The following LHFPL2 variants were observed in gnomAD, a reference collection of about 807,000 sequenced individuals.
LHFPL2 encodes the protein LHFPL tetraspan subfamily member 2.
Under a neutral mutation model 17.5 loss-of-function variants are expected in LHFPL2, and 7 were observed. That is an observed-to-expected ratio of 0.40 (90% CI 0.23 to 0.75). LHFPL2 has a LOEUF of 0.75. Ranked by LOEUF, LHFPL2 falls within the 30% of genes least tolerant of loss-of-function variation. The probability of loss-of-function intolerance (pLI) is 0.37; values close to 1 mark genes in which losing one functional copy is unlikely to be tolerated. For missense variants in LHFPL2, 241 were observed against 294.8 expected (o/e 0.82, Z 1.34); for synonymous variants, 134 against 116.2 (o/e 1.15, Z -0.99).
chr5:78,635,069 T>C (rs1305172760), intron 1 of LHFPL2, among the ~76,000 whole-genome samples: 1 of 152,162 alleles, frequency 6.6e-6, no homozygotes, highest in Non-Finnish European at 1.5e-5. Flanking sequence ...TCGGGAGTGC[T>C]TCTGTGTAAG....
At chr5:78,498,805 A>C (rs1360043411) in intron 4 of LHFPL2, among the ~76,000 whole-genome samples, 1 of 152,240 alleles carries the variant, frequency 6.6e-6, no homozygotes, top group Admixed American at 6.5e-5. Context: ...AAAATAATAA[A>C]AAGTGGATAA....
intron 2 of LHFPL2, among the ~76,000 whole-genome samples, chr5:78,627,965 T>C (rs1250250534): frequency 6.6e-6 from 1 of 152,212 alleles, no homozygotes; most frequent in East Asian, 1.9e-4. Context: ...TCAGATGGAA[T>C]GCCATGTTCC....
At chr5:78,505,876 C>T (rs1012156685) in intron 4 of LHFPL2, among the ~76,000 whole-genome samples, 4 of 152,186 alleles carry the variant, frequency 2.6e-5, no homozygotes, top group African/African-American at 9.7e-5. Flanking sequence ...GAGGTATAAA[C>T]CTATTGTTAT....
chr5:78,511,244 T>C (rs1456004727), intron 3 of LHFPL2, among the ~76,000 whole-genome samples: 2 of 152,234 alleles, frequency 1.3e-5, no homozygotes, highest in African/African-American at 4.8e-5. Context: ...ATGCATCCCT[T>C]GAATTGTCCC....
rs913333382 is a variant in LHFPL2 at position 78,637,007 on chromosome 5, C to T, written c.-349-4639G>A. On this transcript the variant is annotated intron_variant, in intron 1 of 4. Coordinates refer to ENST00000380345, the MANE Select transcript of LHFPL2 (RefSeq NM_005779.3). ...CCTCAGACATGGCCAATATCACAAG[C>T]TCAGACAGACAGGTTTCTAAACTGA... 1.4e-4 allele frequency among the ~76,000 whole-genome samples: 21 copies of T among 152,010 alleles called. 1 individual carries two copies.
At chr5:78,593,165 G>A (rs2112463144) in intron 2 of LHFPL2, among the ~76,000 whole-genome samples, 1 of 152,214 alleles carries the variant, frequency 6.6e-6, no homozygotes, top group East Asian at 1.9e-4. Context: ...GGGGCGAAAG[G>A]AGATGCCAGC....
At chr5:78,645,423 T>C (rs1561380644) in intron 1 of LHFPL2, among the ~76,000 whole-genome samples, 2 of 143,852 alleles carry the variant, frequency 1.4e-5, no homozygotes, top group Non-Finnish European at 2.9e-5. Context: ...ATTAGCAGAG[T>C]TCTTCTTCTC....
intron 4 of LHFPL2, among the ~76,000 whole-genome samples, chr5:78,505,230 C>T (rs891136282): frequency 1.3e-5 from 2 of 152,200 alleles, no homozygotes; most frequent in African/African-American, 4.8e-5. Context: ...AGACAGCTGG[C>T]AAAAAGCCAA....
At chr5:78,641,260 A>G (rs969946548) in intron 1 of LHFPL2, among the ~76,000 whole-genome samples, 6 of 152,200 alleles carry the variant, frequency 3.9e-5, no homozygotes, top group Admixed American at 2.0e-4. Context: ...CTGTCAGAAC[A>G]CCCTAGTTTC....
intron 3 of LHFPL2, among the ~76,000 whole-genome samples, chr5:78,551,105 A>G (rs1456422167): frequency 6.6e-6 from 1 of 152,186 alleles, no homozygotes; most frequent in African/African-American, 2.4e-5. Flanking sequence ...CTTTTCTTAC[A>G]TTGTAAAATC....
chr5:78,535,752 C>T (rs984032614), intron 3 of LHFPL2, among the ~76,000 whole-genome samples: 13 of 152,216 alleles, frequency 8.5e-5, no homozygotes, highest in African/African-American at 3.1e-4. Flanking sequence ...CTGTAGCTTC[C>T]TTACGGCAGG....
chr5:78,509,677 T>C, intron 4 of LHFPL2, 107 bp downstream of exon 4: 1 of 1,120,498 alleles, frequency 8.9e-7, no homozygotes, highest in African/African-American at 1.6e-5. Context: ...AGACAGAAAG[T>C]GGTCTTCTCC....
At chr5:78,576,119 C>T (rs1031027560) in intron 2 of LHFPL2, among the ~76,000 whole-genome samples, 3 of 152,088 alleles carry the variant, frequency 2.0e-5, no homozygotes, top group Admixed American at 6.5e-5. Flanking sequence ...CACGGTGAAA[C>T]CCCGTCTCCA....
chr5:78,591,802 C>G (rs1042849247), intron 2 of LHFPL2, among the ~76,000 whole-genome samples: 1 of 152,196 alleles, frequency 6.6e-6, no homozygotes, highest in Non-Finnish European at 1.5e-5. Flanking sequence ...AGAAAGGAAG[C>G]TTACTAGTTG....
At chr5:78,608,874 G>A (rs1291092495) in intron 2 of LHFPL2, among the ~76,000 whole-genome samples, 1 of 151,262 alleles carries the variant, frequency 6.6e-6, no homozygotes, top group African/African-American at 2.4e-5. Flanking sequence ...GGAGCTTGCA[G>A]TGAGCCAAGA....
rs1280255639 is a variant in LHFPL2, at chr5:78,487,439, T to C, written c.*1458A>G. 1 of 152,236 alleles carries C rather than the reference T, an allele frequency of 6.6e-6. No individual in the cohort carries two copies. Among genetic ancestry groups the C allele is most frequent in the Non-Finnish European group, 1.5e-5 (1 of 68,044 alleles). The allele number at this position is 152,236 out of a possible 1,614,324, so 9.4% of individuals were successfully genotyped here. On this transcript the variant is annotated 3_prime_UTR_variant, in exon 5 of 5. Transcript: ENST00000380345. The stretch of plus-strand genomic sequence containing the variant: ...CAAAGTCCTCAAGTGAGCAGATTAA[T>C]GAACCCAAATACCTACACTTTTTCT...
intron 4 of LHFPL2, among the ~76,000 whole-genome samples, chr5:78,508,518 G>T (rs1755004424): frequency 6.6e-6 from 1 of 152,158 alleles, no homozygotes; most frequent in Non-Finnish European, 1.5e-5. Flanking sequence ...CCCTACACAG[G>T]GGCCTCCTAA....
chr5:78,631,292 T>C (rs1745237234), intron 2 of LHFPL2, among the ~76,000 whole-genome samples: 1 of 152,208 alleles, frequency 6.6e-6, no homozygotes, highest in Non-Finnish European at 1.5e-5. Flanking sequence ...CAGGGTCTAG[T>C]TGACAACTCT....
chr5:78,552,211 G>A (rs898827249), intron 3 of LHFPL2, among the ~76,000 whole-genome samples: 3 of 150,054 alleles, frequency 2.0e-5, no homozygotes, highest in Admixed American at 1.3e-4. Context: ...TTGGTTCACT[G>A]CAAGCTCCGC....
Sources: gnomAD v4.1 joint callset for allele counts (sites outside exome capture counted in the v4.1 genomes callset) on GRCh38, gnomAD v4.1.1 for gene constraint, MANE v1.5 for transcripts, NCBI Gene and HGNC (gene_info 2026-07-23, HGNC 2026-07-21) for gene names.